The following ADCYAP1R1 variants were observed in gnomAD, a reference collection of about 807,000 sequenced individuals.
ADCYAP1R1 encodes pituitary adenylate cyclase-activating polypeptide type I receptor.
Under a neutral mutation model 67.6 loss-of-function variants are expected in ADCYAP1R1, and 44 were observed. That is an observed-to-expected ratio of 0.65 (90% CI 0.51 to 0.84). The LOEUF (loss-of-function observed/expected upper bound fraction) is 0.84. Ranked by LOEUF, ADCYAP1R1 falls within the 40% of genes least tolerant of loss-of-function variation. The pLI is 0.00. For synonymous variants in ADCYAP1R1, 222 were observed against 219.6 expected (o/e 1.01, Z -0.10); for missense variants, 477 against 587.9 (o/e 0.81, Z 1.95).
At chr7:31,083,180 C>T (rs186008778) in intron 6 of ADCYAP1R1, among the ~76,000 whole-genome samples, 18 of 152,336 alleles carry the variant, frequency 1.2e-4, no homozygotes, top group Admixed American at 2.6e-4. Flanking sequence ...AGACCGGGTA[C>T]GCTCCCAGTG....
chr7:31,106,744 A>G lies in ADCYAP1R1; in HGVS notation c.*60A>G. On this transcript the variant is annotated 3_prime_UTR_variant, in exon 16 of 16. Transcript: ENST00000304166. ...CAGGCTGGGACCGCAGGCAGGTGCCAGCCCACGCATGTTTGCGCCTCTTCC... is the reference window on the plus strand; with the variant it reads ...CAGGCTGGGACCGCAGGCAGGTGCCGGCCCACGCATGTTTGCGCCTCTTCC... The G allele has an allele frequency of 1.3e-6, 2 of 1,498,000 alleles. No individual in the cohort carries two copies. Among genetic ancestry groups the G allele is most frequent in the Non-Finnish European group, 1.8e-6 (2 of 1,121,776 alleles). The allele number at this position is 1,498,000 out of a possible 1,614,324, so 92.8% of individuals were successfully genotyped here.
Position 31,065,981 on chromosome 7 carries a change from C to G in ADCYAP1R1, c.157+1045C>G, listed in dbSNP as rs2128618316. ...AGCATTAACTGGTGAGGGAGCTACTCTGGACCGTGCCGGCCTTTGCCTCCG... is the reference window on the plus strand; with the variant it reads ...AGCATTAACTGGTGAGGGAGCTACTGTGGACCGTGCCGGCCTTTGCCTCCG... On this transcript the variant is annotated intron_variant, in intron 3 of 15. Coordinates refer to ENST00000304166, the MANE Select transcript of ADCYAP1R1 (RefSeq NM_001118.5). Among the ~76,000 whole-genome samples, 2 of 152,366 alleles carry G rather than the reference C, an allele frequency of 1.3e-5. 1 individual carries two copies. The highest frequency in any genetic ancestry group is 4.1e-4 in the South Asian group (2 of 4,832).
intron 2 of ADCYAP1R1, among the ~76,000 whole-genome samples, chr7:31,064,391 G>C (rs1003791933): frequency 6.6e-6 from 1 of 152,160 alleles, no homozygotes; most frequent in Admixed American, 6.5e-5. Flanking sequence ...TCAGCCTACT[G>C]AGCCATATGA....
rs560013700 is a variant in ADCYAP1R1, at chr7:31,085,514, C to T, written c.669+72C>T. On this transcript the variant is annotated intron_variant, in intron 9 of 15. Transcript: ENST00000304166. ...GCACCATCCCCTTGGTTCCCCAGGA[C>T]GCACATTACCTGCCTGACACCCTGC... 1.1e-3 allele frequency: 1,698 copies of T among 1,512,552 alleles called. 2 individuals are homozygous for T. The highest frequency in any genetic ancestry group is 1.4e-3 in the Non-Finnish European group (1,537 of 1,121,522). The allele number at this position is 1,512,552 out of a possible 1,614,324, so 93.7% of individuals were successfully genotyped here.
In ADCYAP1R1 at chr7:31,097,118, C is replaced by A. The variant is rs965691778; in HGVS notation, c.1046+4383C>A. ...ACTTTCCTGCAGACACACAATGAAG[C>A]TGTGGCGTAGCCAGCCCCAGAGGCC... On this transcript the variant is annotated intron_variant, in intron 13 of 15. Transcript: ENST00000304166. Among the ~76,000 whole-genome samples the A allele has an allele frequency of 5.3e-5, 8 of 152,234 alleles. No homozygotes were observed. The South Asian group carries it at 1.7e-3, about 31-fold the overall frequency.
chr7:31,085,516 C>A, intron 9 of ADCYAP1R1, 74 bp downstream of exon 9: 1 of 1,510,642 alleles, frequency 6.6e-7, no homozygotes, highest in Middle Eastern at 2.3e-4. Flanking sequence ...CCCCAGGACG[C>A]ACATTACCTG....
At position 31,084,820 on chromosome 7, in the gene ADCYAP1R1, C is replaced by T. The variant is rs1795668237; in HGVS notation, c.522C>T (p.Ile174=). 2 of 1,614,060 alleles carry T rather than the reference C, an allele frequency of 1.2e-6. No homozygotes were observed. Among genetic ancestry groups the T allele is most frequent in the Admixed American group, 3.3e-5 (2 of 60,014 alleles). ...SLVTLTTAMV[I]LCRFRKLHCT... is the part of the protein sequence containing the mutation. ...TCACCCTCACCACTGCCATGGTCAT[C>T]CTTTGTCGCTTCCGGTGAGACCCTC... The change falls in exon 8 of 16, where the codon ATC becomes ATT. Residue 174 remains isoleucine (I), a synonymous_variant. Coordinates refer to ENST00000304166, the MANE Select transcript of ADCYAP1R1 (RefSeq NM_001118.5).
At chr7:31,092,099 C>A (rs1276742604) in intron 12 of ADCYAP1R1, among the ~76,000 whole-genome samples, 4 of 148,052 alleles carry the variant, frequency 2.7e-5, no homozygotes, top group African/African-American at 5.0e-5. Context: ...GTTTCTATTT[C>A]TTTGCTTCCC....
chr7:31,054,215 G>A (rs757726550), intron 1 of ADCYAP1R1, among the ~76,000 whole-genome samples: 6 of 152,126 alleles, frequency 3.9e-5, no homozygotes, highest in East Asian at 3.9e-4. Context: ...CGATGGAGGC[G>A]GGCCTGATAC....
chr7:31,085,025 C>T (rs1795678182), intron 8 of ADCYAP1R1, among the ~76,000 whole-genome samples, 191 bp downstream of exon 8: 1 of 152,214 alleles, frequency 6.6e-6, no homozygotes, highest in Admixed American at 6.5e-5. Flanking sequence ...GGCTATGCAG[C>T]CAGGCAGAGC....
intron 3 of ADCYAP1R1, among the ~76,000 whole-genome samples, chr7:31,070,140 G>C (rs1333101148): frequency 1.3e-5 from 2 of 152,206 alleles, no homozygotes; most frequent in Admixed American, 6.5e-5. Context: ...GACCAGAAGG[G>C]AGGGACAAAG....
intron 4 of ADCYAP1R1, among the ~76,000 whole-genome samples, chr7:31,079,688 C>T (rs1282381962): frequency 2.6e-5 from 4 of 152,210 alleles, no homozygotes; most frequent in Admixed American, 6.5e-5. Context: ...CAGGTCCCCC[C>T]GTCTCTGGCT....
intron 1 of ADCYAP1R1, among the ~76,000 whole-genome samples, chr7:31,058,546 G>A (rs893875113): frequency 1.3e-5 from 2 of 152,164 alleles, no homozygotes; most frequent in African/African-American, 4.8e-5. Context: ...GCTCTATATT[G>A]TGTGACCTTG....
At chr7:31,068,215 G>GCACACA (rs1554300587) in intron 3 of ADCYAP1R1, among the ~76,000 whole-genome samples, 49 of 150,004 alleles carry the variant, frequency 3.3e-4, no homozygotes, top group East Asian at 7.9e-4. Context: ...ATGTGCGCGC[G>GCACACA]CACACACACA....
chr7:31,065,312 A>G (rs1425903343), intron 3 of ADCYAP1R1, among the ~76,000 whole-genome samples: 1 of 152,156 alleles, frequency 6.6e-6, no homozygotes, highest in Admixed American at 6.5e-5. Context: ...CACTTGGTCA[A>G]CCCAGGGCAG....
At chr7:31,067,282 A>G (rs1385534229) in intron 3 of ADCYAP1R1, among the ~76,000 whole-genome samples, 1 of 152,176 alleles carries the variant, frequency 6.6e-6, no homozygotes, top group African/African-American at 2.4e-5. Context: ...GGGGCTTTAT[A>G]AAATAGAGCT....
intron 13 of ADCYAP1R1, among the ~76,000 whole-genome samples, chr7:31,093,616 A>C (rs1796061911): frequency 6.6e-6 from 1 of 152,096 alleles, no homozygotes; most frequent in African/African-American, 2.4e-5. Context: ...GGAGGGGTGG[A>C]TGGGCACACT....
intron 12 of ADCYAP1R1, among the ~76,000 whole-genome samples, chr7:31,088,423 CT>C (rs1425331457): frequency 6.6e-6 from 1 of 152,178 alleles, no homozygotes; most frequent in African/African-American, 2.4e-5. Context: ...TGATGGAGGC[CT>C]TTCCCAACCC....
chr7:31,097,962 G>A (rs1164871666), intron 13 of ADCYAP1R1, among the ~76,000 whole-genome samples: 11 of 151,990 alleles, frequency 7.2e-5, no homozygotes, highest in African/African-American at 2.4e-4. Context: ...TTGCAGTGGC[G>A]AGATCTTGGC....
Sources: gnomAD v4.1 joint callset for allele counts (sites outside exome capture counted in the v4.1 genomes callset) on GRCh38, gnomAD v4.1.1 for gene constraint, MANE v1.5 for transcripts, NCBI Gene and HGNC (gene_info 2026-07-23, HGNC 2026-07-21) for gene names.